Variants in ANKRD44 observed in about 807,000 individuals in gnomAD.
ANKRD44 encodes the protein serine/threonine-protein phosphatase 6 regulatory ankyrin repeat subunit B.
A neutral mutation model predicts 116.0 loss-of-function variants in ANKRD44; 35 were observed. The ratio of observed to expected loss-of-function variants is 0.30; its 90% CI spans 0.23 to 0.40. The LOEUF (loss-of-function observed/expected upper bound fraction) is 0.40. Ranked by LOEUF, ANKRD44 falls within the 10% of genes least tolerant of loss-of-function variation. ANKRD44 has a pLI of 1.00. For synonymous variants in ANKRD44, 435 were observed against 461.8 expected, an observed-to-expected ratio of 0.94 and a Z score of 0.74; for missense variants, 1,014 against 1,242.6, an observed-to-expected ratio of 0.82 and a Z score of 2.77.
Position 196,988,093 on chromosome 2 carries a change from G to C in ANKRD44, c.*1498C>G. ...AGAGAGTGGGAAAAGTCAAAACGCA[G>C]CTCCATGGAGATAACGTCTCATGGT... is the stretch of plus-strand genomic sequence containing the variant. On this transcript the variant is annotated 3_prime_UTR_variant, in exon 28 of 28. Coordinates refer to ENST00000282272, the MANE Select transcript of ANKRD44 (RefSeq NM_001195144.2). 1.0e-6 allele frequency: 1 copy of C among 985,374 alleles called. No individual in the cohort carries two copies. Among genetic ancestry groups the C allele is most frequent in the Non-Finnish European group, 1.2e-6 (1 of 829,924 alleles). 61.0% of individuals were successfully genotyped at this position (985,374 alleles called of 1,614,324 possible).
intron 2 of ANKRD44, among the ~76,000 whole-genome samples, chr2:197,182,729 C>T (rs1271058777): frequency 6.6e-6 from 1 of 152,210 alleles, no homozygotes; most frequent in Non-Finnish European, 1.5e-5. Context: ...AGTCAGCCCT[C>T]CCTGTATGCA....
At chr2:197,032,903 G>A (rs1048586270) in intron 16 of ANKRD44, among the ~76,000 whole-genome samples, 12 of 152,190 alleles carry the variant, frequency 7.9e-5, no homozygotes, top group African/African-American at 2.4e-4. Flanking sequence ...CTTTAGTAAT[G>A]GAGTGAATGG....
intron 8 of ANKRD44, among the ~76,000 whole-genome samples, chr2:197,113,541 T>C (rs2078638496): frequency 6.6e-6 from 1 of 152,240 alleles, no homozygotes; most frequent in Non-Finnish European, 1.5e-5. Flanking sequence ...AGCTAAGCAA[T>C]TTTCCATGTC....
At chr2:197,241,952 C>A (rs767349648) in intron 1 of ANKRD44, among the ~76,000 whole-genome samples, 2 of 152,096 alleles carry the variant, frequency 1.3e-5, no homozygotes, top group African/African-American at 4.8e-5. Flanking sequence ...CTTTTCTTCC[C>A]AAACCATTTA....
At chr2:197,188,201 C>T (rs1315671675) in intron 1 of ANKRD44, among the ~76,000 whole-genome samples, 19 of 152,014 alleles carry the variant, frequency 1.2e-4, no homozygotes, top group Admixed American at 1.2e-3. Context: ...TAAACAAGAC[C>T]CCAGCATGCA....
At chr2:197,263,536 A>C (rs936697542) in intron 1 of ANKRD44, 1 of 344,270 alleles carries the variant, frequency 2.9e-6, no homozygotes, top group Non-Finnish European at 5.6e-6. Context: ...CCCCATGTGA[A>C]GCAGCTGTCT....
At chr2:196,969,772 TCA>T (rs1343927274) in intron 21 of ANKRD44, among the ~76,000 whole-genome samples, 1 of 152,180 alleles carries the variant, frequency 6.6e-6, no homozygotes, top group African/African-American at 2.4e-5. Flanking sequence ...GGGAGGTAAA[TCA>T]ATCATTCTAT....
chr2:197,184,765 C>T (rs2080612423), intron 2 of ANKRD44, among the ~76,000 whole-genome samples: 1 of 151,952 alleles, frequency 6.6e-6, no homozygotes, highest in Non-Finnish European at 1.5e-5. Flanking sequence ...ACCTGGGATC[C>T]TGTTTGGAAA....
chr2:197,090,192 T>C (rs1357839110), intron 10 of ANKRD44, among the ~76,000 whole-genome samples, 160 bp from the exon 11 acceptor site: 1 of 152,094 alleles, frequency 6.6e-6, no homozygotes, highest in Non-Finnish European at 1.5e-5. Context: ...TAAATAATTA[T>C]GCAATCAGTT....
At chr2:197,187,495 C>A (rs139225013) in intron 1 of ANKRD44, among the ~76,000 whole-genome samples, 1 of 152,296 alleles carries the variant, frequency 6.6e-6, no homozygotes, top group East Asian at 1.9e-4. Context: ...TGATATGTTG[C>A]AAGCCCTAAC....
At chr2:197,024,340 A>G (rs548539365) in intron 17 of ANKRD44, among the ~76,000 whole-genome samples, 1 of 152,244 alleles carries the variant, frequency 6.6e-6, no homozygotes, top group East Asian at 1.9e-4. Flanking sequence ...GCATCCAAAC[A>G]CCATCTTTGT....
At position 197,164,500 on chromosome 2, in the gene ANKRD44, G is replaced by C. The variant is rs1034374611; in HGVS notation, c.112-17395C>G. ...CCCAGCTGAAGAGCAGCGCTCAGAA[G>C]AGCCCTTCCCCCACCGCAGCGGCTC... On this transcript the variant is annotated intron_variant, in intron 2 of 27. Transcript: ENST00000282272. Among the ~76,000 whole-genome samples the C allele has an allele frequency of 3.3e-5, 5 of 152,316 alleles. No homozygotes were observed. The East Asian group carries it at 9.7e-4, about 29-fold the overall frequency.
chr2:197,301,944 G>C (rs1276409610), intron 1 of ANKRD44, among the ~76,000 whole-genome samples: 1 of 152,224 alleles, frequency 6.6e-6, no homozygotes, highest in Non-Finnish European at 1.5e-5. Flanking sequence ...GAAATGTGGA[G>C]TGGGCATTTT....
chr2:197,003,405 G>A (rs189952887), intron 21 of ANKRD44, among the ~76,000 whole-genome samples: 30 of 152,236 alleles, frequency 2.0e-4, no homozygotes, highest in African/African-American at 6.0e-4. Flanking sequence ...GACACCTCAA[G>A]TCTTCCAAAG....
intron 21 of ANKRD44, among the ~76,000 whole-genome samples, chr2:197,003,175 G>A (rs370506734): frequency 5.0e-4 from 76 of 151,952 alleles, no homozygotes; most frequent in African/African-American, 1.8e-3. Context: ...AAGATGTGTG[G>A]TGGTGCCTGT....
At chr2:197,092,610 T>G (rs74569973) in intron 10 of ANKRD44, among the ~76,000 whole-genome samples, 59 of 152,330 alleles carry the variant, frequency 3.9e-4, no homozygotes, top group Non-Finnish European at 7.3e-4. Context: ...TCCAGCCCAG[T>G]GTGTATAACA....
intron 1 of ANKRD44, among the ~76,000 whole-genome samples, chr2:197,242,224 A>C (rs2082104899): frequency 6.6e-6 from 1 of 152,206 alleles, no homozygotes; most frequent in African/African-American, 2.4e-5. Flanking sequence ...AATACCATTT[A>C]CTAATTGATA....
chr2:197,220,362 T>C (rs2125725112), intron 1 of ANKRD44, among the ~76,000 whole-genome samples: 1 of 152,358 alleles, frequency 6.6e-6, no homozygotes, highest in Middle Eastern at 3.4e-3. Context: ...CTTGGTATCA[T>C]AGTTGTTAGC....
At chr2:197,080,120 G>C (rs527797917) in intron 15 of ANKRD44, among the ~76,000 whole-genome samples, 1 of 152,166 alleles carries the variant, frequency 6.6e-6, no homozygotes, top group East Asian at 1.9e-4. Flanking sequence ...CACTCAATAG[G>C]AATAACATGC....
Sources: gnomAD v4.1 joint callset for allele counts (sites outside exome capture counted in the v4.1 genomes callset) on GRCh38, gnomAD v4.1.1 for gene constraint, MANE v1.5 for transcripts, NCBI Gene and HGNC (gene_info 2026-07-23, HGNC 2026-07-21) for gene names.